Variants in PPP6R2 observed in about 807,000 individuals in gnomAD.
PPP6R2 encodes the protein serine/threonine-protein phosphatase 6 regulatory subunit 2.
In PPP6R2, 62 loss-of-function variants were observed where a neutral mutation model predicts 100.2. That is an observed-to-expected ratio of 0.62 (90% CI 0.50 to 0.76). PPP6R2 has a LOEUF of 0.76. Ranked by LOEUF, PPP6R2 falls within the 30% of genes least tolerant of loss-of-function variation. The pLI, the probability that PPP6R2 is intolerant of heterozygous loss-of-function variation, is 0.00. For missense variants in PPP6R2, 1,142 were observed against 1,276.3 expected (o/e 0.89, Z 1.60); for synonymous variants, 525 against 514.7 (o/e 1.02, Z -0.27).
At chr22:50,429,091 C>T (rs2062692148) in intron 10 of PPP6R2, among the ~76,000 whole-genome samples, 1 of 151,602 alleles carries the variant, frequency 6.6e-6, no homozygotes, top group Non-Finnish European at 1.5e-5. Flanking sequence ...AGTGCAGTGG[C>T]ATGATCTTGG....
In PPP6R2 at chr22:50,438,588, A is replaced by G; in HGVS notation, c.1965-11A>G. On this transcript the variant is annotated splice_polypyrimidine_tract_variant and intron_variant, in intron 18 of 23. Coordinates refer to ENST00000612753, the MANE Select transcript of PPP6R2 (RefSeq NM_001242898.2). ...TGGGCCACCAGACATCTGACTCTGA[A>G]TCTCCCCCAGGTTTGGAGCCCCCCA... is the stretch of plus-strand genomic sequence containing the variant. The G allele has an allele frequency of 1.2e-6, 2 of 1,613,178 alleles. No individual in the cohort carries two copies. Among genetic ancestry groups the G allele is most frequent in the Non-Finnish European group, 1.7e-6 (2 of 1,179,644 alleles).
chr22:50,401,014 C>G lies in PPP6R2; in HGVS notation c.228-5675C>G, dbSNP rs191644132. On this transcript the variant is annotated intron_variant, in intron 3 of 23. Coordinates refer to ENST00000612753, the MANE Select transcript of PPP6R2 (RefSeq NM_001242898.2). Reference sequence around the variant, plus strand: ...TTGGCCTACATCTGAGAGACTTCTTCATCTTTTAAGTTCTCATCCTTTTAT... The same window carrying G: ...TTGGCCTACATCTGAGAGACTTCTTGATCTTTTAAGTTCTCATCCTTTTAT... Among the ~76,000 whole-genome samples the G allele has an allele frequency of 4.4e-3, 663 of 152,182 alleles. 8 individuals carry two copies. Among genetic ancestry groups the G allele is most frequent in the African/African-American group, 0.015 (617 of 41,522 alleles).
At chr22:50,336,791 C>T in the PPP6R2 span, among the ~76,000 whole-genome samples, 3 of 151,202 alleles carry the variant, frequency 2.0e-5, no homozygotes, top group East Asian at 2.0e-4. Context: ...ACTGCAGCCC[C>T]GACCTCCAGG....
At chr22:50,368,067 T>G (rs2049131587) in intron 1 of PPP6R2, among the ~76,000 whole-genome samples, 1 of 152,224 alleles carries the variant, frequency 6.6e-6, no homozygotes, top group Admixed American at 6.5e-5. Flanking sequence ...CATTATTTCT[T>G]CTATGCATTT....
intron 4 of PPP6R2, among the ~76,000 whole-genome samples, chr22:50,410,004 A>G (rs2059517925): frequency 6.6e-6 from 1 of 152,146 alleles, no homozygotes; most frequent in African/African-American, 2.4e-5. Context: ...CTGGGATTAC[A>G]GGTGTGAGCC....
At chr22:50,339,337 TGGTATGTA>T (rs2042342189), upstream of PPP6R2, among the ~76,000 whole-genome samples, 1 of 138,426 alleles carries the variant, frequency 7.2e-6, no homozygotes, top group African/African-American at 2.8e-5. Flanking sequence ...GTGGTGTGTG[TGGTATGTA>T]GTGTGTGGTA....
intron 1 of PPP6R2, among the ~76,000 whole-genome samples, chr22:50,360,368 T>A (rs1300349769): frequency 5.0e-5 from 7 of 139,778 alleles, no homozygotes; most frequent in African/African-American, 2.0e-4. Flanking sequence ...TTTTTTTTTT[T>A]AAGAGAGACA....
At chr22:50,420,263 G>A (rs556937320) in intron 8 of PPP6R2, among the ~76,000 whole-genome samples, 20 of 152,322 alleles carry the variant, frequency 1.3e-4, no homozygotes, top group African/African-American at 4.8e-4. Context: ...GTCAGACACA[G>A]CTCCTTGGAT....
At chr22:50,399,200 TAAAAAATAAA>T (rs1349466057) in intron 3 of PPP6R2, among the ~76,000 whole-genome samples, 2 of 152,020 alleles carry the variant, frequency 1.3e-5, no homozygotes, top group Non-Finnish European at 2.9e-5. Context: ...GTCATCTCTT[TAAAAAATAAA>T]AAAAGATGGA....
intron 10 of PPP6R2, among the ~76,000 whole-genome samples, chr22:50,430,550 G>C (rs560384976): frequency 1.2e-4 from 19 of 152,282 alleles, no homozygotes; most frequent in African/African-American, 4.3e-4. Flanking sequence ...GGAAAGAAAG[G>C]CTGCAATTAA....
the PPP6R2 span, among the ~76,000 whole-genome samples, chr22:50,337,937 CATGTGTGTGTG>C: frequency 4.3e-5 from 3 of 70,372 alleles, no homozygotes; most frequent in East Asian, 4.9e-4. Context: ...GGGGTGTGTG[CATGTGTGTGTG>C]ATGTGTGTGG....
chr22:50,343,223 G>T (rs1391305863), upstream of PPP6R2: 1 of 151,138 alleles, frequency 6.6e-6, no homozygotes, highest in Non-Finnish European at 1.5e-5. Context: ...CGGAGAGCCG[G>T]CCCAGGTCCC....
chr22:50,342,978 G>C (rs1418084235), upstream of PPP6R2, among the ~76,000 whole-genome samples: 1 of 152,196 alleles, frequency 6.6e-6, no homozygotes, highest in Non-Finnish European at 1.5e-5. Flanking sequence ...GGGCCACGGG[G>C]GAAACCCCTG....
chr22:50,432,042 G>T (rs1016345111), intron 11 of PPP6R2, among the ~76,000 whole-genome samples: 1 of 152,140 alleles, frequency 6.6e-6, no homozygotes, highest in Non-Finnish European at 1.5e-5. Flanking sequence ...CTTTTCTCGG[G>T]CTTCATCTTT....
chr22:50,359,375 C>T (rs1001035197), intron 1 of PPP6R2, among the ~76,000 whole-genome samples: 1 of 152,014 alleles, frequency 6.6e-6, no homozygotes, highest in Non-Finnish European at 1.5e-5. Context: ...CCCACCACCG[C>T]ACCCGGCTAA....
At chr22:50,416,395 C>A (rs1198213967) in intron 6 of PPP6R2, among the ~76,000 whole-genome samples, 1 of 150,808 alleles carries the variant, frequency 6.6e-6, no homozygotes, top group East Asian at 2.0e-4. Context: ...GTGGTGCAAT[C>A]TCGGCTCACC....
intron 1 of PPP6R2, among the ~76,000 whole-genome samples, chr22:50,359,063 G>C (rs1035805109): frequency 1.4e-5 from 2 of 141,228 alleles, no homozygotes; most frequent in Non-Finnish European, 3.0e-5. Context: ...TCAGTGGCGC[G>C]ATCTCCACTC....
At chr22:50,427,732 G>GTT (rs140946646) in intron 10 of PPP6R2, among the ~76,000 whole-genome samples, 35 of 147,866 alleles carry the variant, frequency 2.4e-4, no homozygotes, top group Admixed American at 8.1e-4. Context: ...GTTTTGTTTT[G>GTT]TTTTTTTTGA....
In PPP6R2 at chr22:50,439,824, G is replaced by C; in HGVS notation, c.2252G>C (p.Trp751Ser). The C allele has an allele frequency of 6.2e-7, 1 of 1,613,772 alleles. No homozygotes were observed. Residue 751 changes from tryptophan (W) to serine (S), a missense_variant, in exon 20 of 24, where the codon TGG becomes TCG. Around this residue, in one of 2 missense-constraint regions of PPP6R2, gnomAD observed 550 missense variants for 517.4 expected, o/e 1.06. Transcript: ENST00000612753. The part of the protein sequence containing the change: ...AGTSAPEEKG[W>S]AKFTDFQPFC... ...ACCTCAGCTCCAGAGGAGAAAGGCT[G>C]GGCCAAGTTCACTGACTTCCAACCT...
Sources: gnomAD v4.1 joint callset for allele counts (sites outside exome capture counted in the v4.1 genomes callset) on GRCh38, gnomAD v4.1.1 for gene constraint, gnomAD v4.1.1 regional missense constraint, MANE v1.5 for transcripts, NCBI Gene and HGNC (gene_info 2026-07-23, HGNC 2026-07-21) for gene names.